FBLN5: variants seen among roughly 807,000 people sequenced by gnomAD.
The protein encoded by FBLN5 is fibulin 5.
A neutral mutation model predicts 61.6 loss-of-function variants in FBLN5; 24 were observed. The observed-to-expected ratio is 0.39, with a 90% CI of 0.28 to 0.55. The LOEUF (loss-of-function observed/expected upper bound fraction) is 0.55. Ranked by LOEUF, FBLN5 falls within the 20% of genes least tolerant of loss-of-function variation. The pLI, the probability that FBLN5 is intolerant of heterozygous loss-of-function variation, is 0.65. For synonymous variants in FBLN5, 213 were observed against 219.8 expected (o/e 0.97, Z 0.27); for missense variants, 470 against 594.1 (o/e 0.79, Z 2.17).
chr14:91,940,574 G>T lies in FBLN5; in HGVS notation c.115C>A (p.Gln39Lys), dbSNP rs1373668729. The change falls in exon 3 of 11, where the codon CAG (glutamine) becomes AAG (lysine). Residue 39 changes from glutamine (Q) to lysine (K), a missense_variant. Gln to Lys is a moderately conservative substitution (Grantham distance 53, BLOSUM62 1). Transcript: ENST00000342058. ...NGFDLDRQSGQCLDIDECRTI... is the reference protein window; with the variant it reads ...NGFDLDRQSGKCLDIDECRTI... ...CCACAGTGGCTCATACCTAAACACT[G>T]TCCTGACTGGCGATCCAGGTCAAAG... 5 of 1,613,766 alleles carry T rather than the reference G, an allele frequency of 3.1e-6. No individual in the cohort carries two copies. Among genetic ancestry groups the T allele is most frequent in the Admixed American group, 1.7e-5 (1 of 59,990 alleles).
At chr14:91,917,231 C>T (rs1891231709) in intron 4 of FBLN5, among the ~76,000 whole-genome samples, 1 of 152,148 alleles carries the variant, frequency 6.6e-6, no homozygotes, top group African/African-American at 2.4e-5. Flanking sequence ...CTACTTAAGC[C>T]CTTGCCCTCA....
chr14:91,937,287 G>A (rs925276781), intron 3 of FBLN5, 86 bp from the exon 4 acceptor site: 125 of 1,564,010 alleles, frequency 8.0e-5, no homozygotes, highest in Admixed American at 7.5e-4. Flanking sequence ...GGTACCAGGC[G>A]TGGAGGAAGC....
chr14:91,871,022 G>A (rs1209585032), intron 10 of FBLN5, among the ~76,000 whole-genome samples: 1 of 152,122 alleles, frequency 6.6e-6, no homozygotes, highest in Non-Finnish European at 1.5e-5. Flanking sequence ...GAGGCAGGAG[G>A]AGGGAGGGGA....
At chr14:91,945,642 T>C (rs2140059911) in intron 1 of FBLN5, among the ~76,000 whole-genome samples, 1 of 152,238 alleles carries the variant, frequency 6.6e-6, no homozygotes, top group Admixed American at 6.5e-5. Flanking sequence ...CCCTGGGTAT[T>C]AGAGGACCTG....
intron 4 of FBLN5, among the ~76,000 whole-genome samples, chr14:91,912,892 TG>T (rs1462260308): frequency 6.6e-6 from 1 of 152,090 alleles, no homozygotes; most frequent in Non-Finnish European, 1.5e-5. Context: ...AAGAGGTTGT[TG>T]ATCCAAAAAG....
intron 10 of FBLN5, among the ~76,000 whole-genome samples, chr14:91,875,897 G>A (rs551302957): frequency 9.8e-5 from 15 of 152,348 alleles, no homozygotes; most frequent in African/African-American, 3.6e-4. Context: ...GAACATGCCT[G>A]TGAATCCTAG....
At chr14:91,940,490 CAGAGAAAGAAATAAAT>C (rs2056088407) in intron 3 of FBLN5, 59 bp downstream of exon 3, 1 of 1,239,770 alleles carries the variant, frequency 8.1e-7, no homozygotes, top group Non-Finnish European at 1.2e-6. Flanking sequence ...CATTGAACAA[CAGAGAAAGAAATAAAT>C]AGCACTGCAA....
rs565036087 is a variant in FBLN5, at chr14:91,946,385, A to C, written c.17+828T>G. ...ACCGGTCCTGGGAACTTTCTAAAGC[A>C]GGTGGGTTCGCCGGTGTTGTGCCTC... On this transcript the variant is annotated intron_variant, in intron 1 of 10. Coordinates refer to ENST00000342058, the MANE Select transcript of FBLN5 (RefSeq NM_006329.4). Among the ~76,000 whole-genome samples, 12 of 152,278 alleles carry C rather than the reference A, an allele frequency of 7.9e-5. No individual in the cohort carries two copies. The East Asian group carries it at 1.5e-3, about 20-fold the overall frequency.
intron 2 of FBLN5, among the ~76,000 whole-genome samples, chr14:91,941,248 A>C (rs533989573): frequency 8.4e-4 from 128 of 152,354 alleles, no homozygotes; most frequent in African/African-American, 2.9e-3. Flanking sequence ...AGATGTGGTC[A>C]GTTTTCTAAG....
chr14:91,927,981 G>T (rs1283668596), intron 4 of FBLN5, among the ~76,000 whole-genome samples: 6 of 152,236 alleles, frequency 3.9e-5, no homozygotes, highest in Non-Finnish European at 8.8e-5. Flanking sequence ...ACTACACAAA[G>T]GCACCAAGGG....
At chr14:91,912,130 T>C (rs369290677) in intron 4 of FBLN5, among the ~76,000 whole-genome samples, 6 of 152,374 alleles carry the variant, frequency 3.9e-5, no homozygotes, top group African/African-American at 1.4e-4. Context: ...TTCCTGAGAT[T>C]TGCTCTAAAA....
At chr14:91,899,143 C>CGTGTGTGT (rs59077653) in intron 4 of FBLN5, among the ~76,000 whole-genome samples, 3 of 149,926 alleles carry the variant, frequency 2.0e-5, no homozygotes, top group South Asian at 2.1e-4. Flanking sequence ...GCTGTGTGTT[C>CGTGTGTGT]GTGTGTGTGT....
intron 7 of FBLN5, among the ~76,000 whole-genome samples, chr14:91,886,815 G>A (rs1889747273): frequency 6.6e-6 from 1 of 152,066 alleles, no homozygotes; most frequent in Non-Finnish European, 1.5e-5. Context: ...TTATTCCTGG[G>A]TCACTGCCCT....
intron 1 of FBLN5, among the ~76,000 whole-genome samples, chr14:91,945,328 G>C (rs1013093857): frequency 6.6e-6 from 1 of 152,170 alleles, no homozygotes; most frequent in Non-Finnish European, 1.5e-5. Context: ...CTGCTTGTGG[G>C]TGTGGATGCC....
chr14:91,880,817 C>T (rs1889405279), intron 9 of FBLN5, among the ~76,000 whole-genome samples: 2 of 152,210 alleles, frequency 1.3e-5, no homozygotes, highest in South Asian at 2.1e-4. Flanking sequence ...TCCCAAAGTG[C>T]TGCGATTACA....
chr14:91,944,267 T>C (rs2056150853), intron 1 of FBLN5, among the ~76,000 whole-genome samples: 1 of 152,144 alleles, frequency 6.6e-6, no homozygotes, highest in Non-Finnish European at 1.5e-5. Flanking sequence ...ACAAAATCTC[T>C]ACTACTTCAC....
intron 5 of FBLN5, among the ~76,000 whole-genome samples, chr14:91,891,737 A>C (rs1262127538): frequency 6.6e-6 from 1 of 152,166 alleles, no homozygotes; most frequent in Non-Finnish European, 1.5e-5. Flanking sequence ...AGCTCTTAAG[A>C]TTTATCCAAT....
chr14:91,889,463 T>G (rs533877671), intron 6 of FBLN5, among the ~76,000 whole-genome samples: 5 of 152,346 alleles, frequency 3.3e-5, no homozygotes, highest in Admixed American at 2.6e-4. Context: ...TCCAACCTGT[T>G]GGACAAGAAG....
chr14:91,881,210 A>T (rs1889442030), intron 9 of FBLN5, 82 bp downstream of exon 9: 1 of 1,530,824 alleles, frequency 6.5e-7, no homozygotes, highest in African/African-American at 1.4e-5. Context: ...TGGCTGGTGC[A>T]CTCTCTTTCA....
Sources: allele counts gnomAD v4.1 joint callset (sites outside exome capture counted in the v4.1 genomes callset), GRCh38; gene constraint gnomAD v4.1.1; transcripts MANE v1.5; gene names NCBI Gene and HGNC (gene_info 2026-07-23, HGNC 2026-07-21).